TRPM1: variants seen among roughly 807,000 people sequenced by gnomAD.
The protein encoded by TRPM1 is TRPM1-203 APA Isoform, Intron 10.
Under a neutral mutation model 149.4 loss-of-function variants are expected in TRPM1, and 113 were observed. The observed-to-expected ratio is 0.76, with a 90% confidence interval of 0.65 to 0.88. The LOEUF (loss-of-function observed/expected upper bound fraction) is 0.88, where lower values mean the gene tolerates loss of function less well. Among genes scored for constraint, TRPM1 ranks in the 40% least tolerant of loss-of-function variants. The pLI, the probability that TRPM1 is intolerant of heterozygous loss-of-function variation, is 0.00. For missense variants in TRPM1, 1,976 were observed against 2,038.7 expected (o/e 0.97, Z 0.59); for synonymous variants, 741 against 759.5 (o/e 0.98, Z 0.40).
chr15:31,141,002 T>G (rs1279949645), intron 1 of TRPM1, among the ~76,000 whole-genome samples: 1 of 151,846 alleles, frequency 6.6e-6, no homozygotes, highest in Non-Finnish European at 1.5e-5. Context: ...TTTTTTTTTT[T>G]TGTATTTTTA....
intron 4 of TRPM1, chr15:31,069,344 G>T: frequency 1.2e-6 from 1 of 867,750 alleles, no homozygotes; most frequent in Non-Finnish European, 1.4e-6. Flanking sequence ...CTTTGTGTCT[G>T]GGCTAATATG....
rs370006845 is a variant in TRPM1 at position 31,032,953 on chromosome 15, C to G, written c.2701-13G>C. Reference sequence around the variant, plus strand: ...CTGACATGAGGATCTGAAAACAAACCCCAAAGAACAATAAACTGAGATGCC... The same window carrying G: ...CTGACATGAGGATCTGAAAACAAACGCCAAAGAACAATAAACTGAGATGCC... On this transcript the variant is annotated splice_polypyrimidine_tract_variant and intron_variant, in intron 21 of 27. Transcript: ENST00000256552. The G allele has an allele frequency of 6.8e-6, 11 of 1,613,860 alleles. No homozygotes were observed. The African/African-American group carries it at 1.3e-4, about 20-fold the overall frequency.
At chr15:31,093,314 A>G (rs78484588) in intron 1 of TRPM1, among the ~76,000 whole-genome samples, 9,174 of 151,220 alleles carry the variant, frequency 0.061, 824 homozygotes, top group African/African-American at 0.19. Context: ...AAGAATCCAC[A>G]AAAAAGCTAC....
intron 1 of TRPM1, among the ~76,000 whole-genome samples, chr15:31,120,067 G>A: frequency 6.6e-6 from 1 of 151,874 alleles, no homozygotes; most frequent in Non-Finnish European, 1.5e-5. Context: ...TGTCAAGAGT[G>A]GATAATAAAA....
At chr15:31,060,366 C>G in intron 11 of TRPM1, 178 bp downstream of exon 11, 2 of 656,584 alleles carry the variant, frequency 3.0e-6, no homozygotes, top group Non-Finnish European at 5.5e-6. Context: ...GGAATTACTT[C>G]TTGTTGGTTC....
At chr15:31,087,231 A>ATGTTTTTTTT (rs2035026518) in intron 1 of TRPM1, among the ~76,000 whole-genome samples, 1 of 59,402 alleles carries the variant, frequency 1.7e-5, no homozygotes, top group African/African-American at 7.1e-5. Context: ...CTCAATAGGG[A>ATGTTTTTTTT]TTTTTTTTTT....
At chr15:31,026,821 G>T in intron 26 of TRPM1, 94 bp downstream of exon 26, 2 of 1,329,574 alleles carry the variant, frequency 1.5e-6, no homozygotes, top group South Asian at 1.2e-5. Context: ...CTTTTCACAC[G>T]AGCAAGTAGT....
chr15:31,041,311 C>T lies in TRPM1; in HGVS notation c.2087+640G>A, dbSNP rs146869885. On this transcript the variant is annotated intron_variant, in intron 17 of 27. Coordinates refer to ENST00000256552, the MANE Select transcript of TRPM1 (RefSeq NM_001252024.2). ...CTGGGACTACAGGCGCCCGCCACTA[C>T]GCCGGGCTAAAATATATTTTAGTAG... Among the ~76,000 whole-genome samples the T allele has an allele frequency of 9.3e-3, 1,422 of 152,250 alleles. 25 individuals are homozygous for T. Among genetic ancestry groups the T allele is most frequent in the African/African-American group, 0.032 (1,326 of 41,536 alleles).
intron 3 of TRPM1, among the ~76,000 whole-genome samples, chr15:31,071,978 A>AAAATATATATATAT (rs1567034341): frequency 1.6e-5 from 1 of 62,390 alleles, no homozygotes; most frequent in Non-Finnish European, 2.9e-5. Flanking sequence ...AAAAAAAAAA[A>AAAATATATATATAT]ACATATATAT....
intron 1 of TRPM1, among the ~76,000 whole-genome samples, 197 bp downstream of exon 1, chr15:31,101,460 C>T (rs752928713): frequency 2.0e-5 from 3 of 152,236 alleles, no homozygotes; most frequent in Non-Finnish European, 2.9e-5. Flanking sequence ...TAACAGGCCC[C>T]AGAAAGCACA....
intron 1 of TRPM1, among the ~76,000 whole-genome samples, chr15:31,088,436 G>A (rs991445352): frequency 1.3e-5 from 2 of 152,192 alleles, no homozygotes; most frequent in South Asian, 2.1e-4. Context: ...TTTAAGAGCT[G>A]TAACACTGAC....
intron 10 of TRPM1, 102 bp downstream of exon 10, chr15:31,061,340 G>T: frequency 8.4e-7 from 1 of 1,187,704 alleles, no homozygotes; most frequent in East Asian, 2.4e-5. Context: ...GCTGGCTCAG[G>T]GTCTAGCACC....
chr15:31,026,396 C>G, intron 26 of TRPM1, 125 bp from the exon 27 acceptor site: 7 of 1,165,848 alleles, frequency 6.0e-6, no homozygotes, highest in African/African-American at 1.5e-5. Context: ...GGCAGTTCGC[C>G]ACTACTCCAA....
At chr15:31,136,106 C>T (rs548876923) in intron 1 of TRPM1, among the ~76,000 whole-genome samples, 3 of 151,686 alleles carry the variant, frequency 2.0e-5, no homozygotes, top group East Asian at 3.9e-4. Context: ...CCGAGGAAGG[C>T]GTGGCCATGG....
rs78831622 is a variant in TRPM1 at position 31,131,819 on chromosome 15, C to T, written c.54+29087G>A. Among the ~76,000 whole-genome samples, 32 of 152,112 alleles carry T rather than the reference C, an allele frequency of 2.1e-4. No homozygotes were observed. In the East Asian group the frequency reaches 5.6e-3, roughly 27 times the overall value. On this transcript the variant is annotated intron_variant, in intron 1 of 26. Transcript: ENST00000542188. ...GTTTTCACACTTCCAGCACCAGGCT[C>T]GCCCCCACCCCCCTGCTGCCCCCTC...
intron 24 of TRPM1, among the ~76,000 whole-genome samples, chr15:31,028,757 A>T (rs970402214): frequency 6.8e-6 from 1 of 147,374 alleles, no homozygotes; most frequent in African/African-American, 2.5e-5. Flanking sequence ...CAGTTGTCTC[A>T]AAAAAAAAAC....
intron 1 of TRPM1, among the ~76,000 whole-genome samples, chr15:31,084,370 G>A (rs951719053): frequency 6.6e-6 from 1 of 151,964 alleles, no homozygotes; most frequent in Non-Finnish European, 1.5e-5. Context: ...ATTCCTCCCT[G>A]ACCCTGCCCA....
intron 1 of TRPM1, among the ~76,000 whole-genome samples, chr15:31,160,481 C>T (rs1345359961): frequency 6.6e-6 from 1 of 152,212 alleles, no homozygotes; most frequent in Non-Finnish European, 1.5e-5. Context: ...CCTGAGTCAT[C>T]CCTGGGTCCC....
Position 31,001,631 on chromosome 15 carries a change from C to A in TRPM1, c.*191G>T. 1.6e-6 allele frequency: 1 copy of A among 634,340 alleles called. No individual in the cohort carries two copies. The highest frequency in any genetic ancestry group is 2.7e-5 in the East Asian group (1 of 36,622). 39.3% of individuals were successfully genotyped at this position (634,340 alleles called of 1,614,324 possible). A position where few individuals can be genotyped will look rare whatever the true frequency, so the allele number is the denominator to read the frequency against. ...TCACTTTCATTTGATACTACTGCAA[C>A]TGAAAAAACTAAGCCTACTAACATA... On this transcript the variant is annotated 3_prime_UTR_variant, in exon 28 of 28. Coordinates refer to ENST00000256552, the MANE Select transcript of TRPM1 (RefSeq NM_001252024.2).
Sources: allele counts gnomAD v4.1 joint callset (sites outside exome capture counted in the v4.1 genomes callset), GRCh38; gene constraint gnomAD v4.1.1; transcripts MANE v1.5; gene names NCBI Gene and HGNC (gene_info 2026-07-23, HGNC 2026-07-21).